Variants in TMEM74 observed in about 807,000 individuals in gnomAD.
The protein encoded by TMEM74 is transmembrane protein 74.
Under a neutral mutation model 18.1 loss-of-function variants are expected in TMEM74, and 13 were observed. That is an observed-to-expected ratio of 0.72 (90% CI 0.47 to 1.14). TMEM74 has a LOEUF of 1.14. TMEM74 is among the 50% of genes most tolerant of loss of function. The pLI is 0.00. For synonymous variants in TMEM74, 159 were observed against 146.6 expected (o/e 1.08, Z -0.61); for missense variants, 372 against 375.9 (o/e 0.99, Z 0.09).
chr8:108,631,627 G>A lies in TMEM74; in HGVS notation n.265-22801C>T, dbSNP rs139219145. Reference sequence around the variant, plus strand: ...AGATGCCGGATATTAGACCTTTGTCGGATGCATAGTTTGCAAACACTTCTG... The same window carrying A: ...AGATGCCGGATATTAGACCTTTGTCAGATGCATAGTTTGCAAACACTTCTG... On this transcript the variant is annotated intron_variant and non_coding_transcript_variant, in intron 2 of 3. Coordinates refer to the TMEM74 transcript ENST00000518838. 1.2e-3 allele frequency among the ~76,000 whole-genome samples: 185 copies of A among 152,018 alleles called. 1 individual carries two copies. Among genetic ancestry groups the A allele is most frequent in the African/African-American group, 4.0e-3 (166 of 41,502 alleles).
At chr8:108,746,023 G>A (rs1488301842) in intron 1 of TMEM74, among the ~76,000 whole-genome samples, 1 of 152,034 alleles carries the variant, frequency 6.6e-6, no homozygotes, top group African/African-American at 2.4e-5. Context: ...TTGCTCACTC[G>A]GGGAGCTTGG....
intron 2 of TMEM74, among the ~76,000 whole-genome samples, chr8:108,619,364 C>T (rs2046791478): frequency 6.6e-6 from 1 of 152,200 alleles, no homozygotes; most frequent in Non-Finnish European, 1.5e-5. Context: ...GCAGACGGTT[C>T]TGAATCTTCT....
chr8:108,619,080 A>G (rs1333087404), intron 2 of TMEM74, among the ~76,000 whole-genome samples: 1 of 152,152 alleles, frequency 6.6e-6, no homozygotes, highest in Admixed American at 6.5e-5. Flanking sequence ...CTTGAGAAAA[A>G]TTTTATTGCA....
downstream of TMEM74, among the ~76,000 whole-genome samples, chr8:108,776,441 C>T (rs1239702688): frequency 6.6e-6 from 1 of 152,122 alleles, no homozygotes; most frequent in Admixed American, 6.5e-5. Context: ...TGCAGTGAGC[C>T]AAGATCACGC....
chr8:108,771,830 A>T (rs978408454), intron 1 of TMEM74, among the ~76,000 whole-genome samples: 2 of 152,148 alleles, frequency 1.3e-5, no homozygotes, highest in Non-Finnish European at 2.9e-5. Context: ...TCCTTGAAGC[A>T]GGATGCTGGG....
intron 2 of TMEM74, among the ~76,000 whole-genome samples, chr8:108,634,236 TC>T (rs1432231238): frequency 6.6e-6 from 1 of 151,774 alleles, no homozygotes; most frequent in East Asian, 1.9e-4. Flanking sequence ...AAAACTCTCC[TC>T]CCCACCTCCA....
chr8:108,768,276 C>G (rs970661419), intron 1 of TMEM74, among the ~76,000 whole-genome samples: 3 of 152,162 alleles, frequency 2.0e-5, no homozygotes, highest in African/African-American at 7.2e-5. Context: ...TAACCATCAA[C>G]TTTATTGATT....
intron 1 of TMEM74, among the ~76,000 whole-genome samples, chr8:108,766,579 C>T (rs1351843335): frequency 6.6e-6 from 1 of 152,176 alleles, no homozygotes; most frequent in Non-Finnish European, 1.5e-5. Flanking sequence ...AGAGCCTCAA[C>T]TCTTCTCCCA....
intron 1 of TMEM74, among the ~76,000 whole-genome samples, chr8:108,698,378 T>A (rs1813301838): frequency 1.3e-5 from 2 of 152,206 alleles, no homozygotes; most frequent in Non-Finnish European, 2.9e-5. Flanking sequence ...TGCTTCCATC[T>A]TTACTATATG....
At position 108,779,745 on chromosome 8, in the gene TMEM74, T is replaced by C. The variant is rs138491065; in HGVS notation, c.*4436A>G. Among the ~76,000 whole-genome samples the C allele has an allele frequency of 1.3e-3, 196 of 152,338 alleles. No individual in the cohort carries two copies. The highest frequency in any genetic ancestry group is 4.5e-3 in the African/African-American group (189 of 41,590). On this transcript the variant is annotated 3_prime_UTR_variant, in exon 2 of 2. Transcript: ENST00000297459. ...ATTAAAGCTGTATAACTATAAAATA[T>C]AGTCCAAATGCACATAGACTTGAGT...
rs1282913171 is a variant in TMEM74 at position 108,756,597 on chromosome 8, AGAAAGG to A, written n.119+30873_119+30878del. Among the ~76,000 whole-genome samples, 213 of 68,722 alleles carry A rather than the reference AGAAAGG, an allele frequency of 3.1e-3. 1 individual carries two copies. The highest frequency in any genetic ancestry group is 0.013 in the African/African-American group (152 of 11,356). The allele number at this position is 68,722 out of a possible 152,430, so 45.1% of individuals were successfully genotyped here. A position where few individuals can be genotyped will look rare whatever the true frequency, so the allele number is the denominator to read the frequency against. On this transcript the variant is annotated intron_variant and non_coding_transcript_variant, in intron 1 of 3. Coordinates refer to the TMEM74 transcript ENST00000518838. ...GAAAGAAAGAAAGAAAGAAAGAAAG[AGAAAGG>A]AAGGAAGGAAGGAAGGAAGGAAGGA...
At chr8:108,690,338 C>T (rs946347934) in intron 1 of TMEM74, among the ~76,000 whole-genome samples, 1 of 151,984 alleles carries the variant, frequency 6.6e-6, no homozygotes, top group Non-Finnish European at 1.5e-5. Context: ...ACCATTTTCC[C>T]ATTATTAAAT....
chr8:108,766,012 G>A (rs770917642), intron 1 of TMEM74, among the ~76,000 whole-genome samples: 1 of 152,028 alleles, frequency 6.6e-6, no homozygotes, highest in Non-Finnish European at 1.5e-5. Context: ...ATTTTCAGTA[G>A]CATTAGCATA....
Position 108,784,411 on chromosome 8 carries a change from G to C in TMEM74, c.688C>G (p.Arg230Gly), listed in dbSNP as rs755393829. Residue 230 changes from arginine to glycine, a missense_variant, in exon 2 of 2, where the codon CGC becomes GGC. By Grantham distance (125) the Arg-to-Gly change is moderately radical. Transcript: ENST00000297459. ...ESARLGAHLD[R>G]CVIAGLCLLT... Reference sequence around the variant, plus strand: ...AGGCAGAGCCCCGCAATCACACAGCGGTCCAGGTGAGCCCCCAGCCTCGCA... The same window carrying C: ...AGGCAGAGCCCCGCAATCACACAGCCGTCCAGGTGAGCCCCCAGCCTCGCA... The C allele has an allele frequency of 2.5e-6, 4 of 1,613,964 alleles. No homozygotes were observed. The highest frequency in any genetic ancestry group is 2.2e-5 in the East Asian group (1 of 44,878).
At chr8:108,753,336 C>T (rs75465952) in intron 1 of TMEM74, among the ~76,000 whole-genome samples, 2,701 of 151,980 alleles carry the variant, frequency 0.018, 90 homozygotes, top group African/African-American at 0.061. Flanking sequence ...CCTGATATTT[C>T]CCCCAGTAGG....
Position 108,783,974 on chromosome 8 carries a change from G to A in TMEM74, c.*207C>T. ...AGCCTTCAGCTCTTCAGAAGGATAG[G>A]TGTGGCTGGTTGTGGTTTCTTATAC... On this transcript the variant is annotated 3_prime_UTR_variant, in exon 2 of 2. Coordinates refer to ENST00000297459, the MANE Select transcript of TMEM74 (RefSeq NM_153015.3). 2.3e-6 allele frequency: 1 copy of A among 435,710 alleles called. No individual in the cohort carries two copies. The highest frequency in any genetic ancestry group is 4.0e-6 in the Non-Finnish European group (1 of 248,088). 27.0% of individuals were successfully genotyped at this position (435,710 alleles called of 1,614,324 possible).
intron 1 of TMEM74, among the ~76,000 whole-genome samples, chr8:108,657,881 T>TATATATATATATATATATTAATTAC (rs1812859019): frequency 4.1e-5 from 4 of 98,484 alleles, no homozygotes; most frequent in African/African-American, 1.6e-4. Context: ...TATATATATA[T>TATATATATATATATATATTAATTAC]ATATATATAT....
rs1813276790 is a variant in TMEM74, at chr8:108,695,839, A to T, written n.120-40402T>A. 2.0e-5 allele frequency among the ~76,000 whole-genome samples: 3 copies of T among 152,312 alleles called. No individual in the cohort carries two copies. In the South Asian group the frequency reaches 6.2e-4, roughly 32 times the overall value. The stretch of plus-strand genomic sequence containing the variant: ...CCAGCTGTGAAATTTGTACTTTTTC[A>T]GTGATGCCCATCAGAAATGATAGGA... On this transcript the variant is annotated intron_variant and non_coding_transcript_variant, in intron 1 of 3. Transcript: ENST00000518838.
chr8:108,632,105 A>G (rs956400769), intron 2 of TMEM74, among the ~76,000 whole-genome samples: 4 of 152,006 alleles, frequency 2.6e-5, no homozygotes, highest in Non-Finnish European at 4.4e-5. Context: ...CAGTGATGCT[A>G]TAAGAATGCA....
Sources: allele counts gnomAD v4.1 joint callset (sites outside exome capture counted in the v4.1 genomes callset), GRCh38; gene constraint gnomAD v4.1.1; transcripts MANE v1.5; gene names NCBI Gene and HGNC (gene_info 2026-07-23, HGNC 2026-07-21).